Variants in TRMT11 observed in about 807,000 individuals in gnomAD.
TRMT11 encodes tRNA methyltransferase 11.
A neutral mutation model predicts 62.8 loss-of-function variants in TRMT11; 53 were observed. The ratio of observed to expected loss-of-function variants is 0.84; its 90% CI spans 0.68 to 1.06. The LOEUF (loss-of-function observed/expected upper bound fraction) is 1.06. TRMT11 is among the 50% of genes least tolerant of loss of function. The probability of loss-of-function intolerance (pLI) is 0.00; values close to 1 mark genes in which losing one functional copy is unlikely to be tolerated. For synonymous variants in TRMT11, 188 were observed against 190.3 expected, an observed-to-expected ratio of 0.99 and a Z score of 0.10; for missense variants, 556 against 553.4, an observed-to-expected ratio of 1.00 and a Z score of -0.05.
chr6:126,147,757 C>A (rs1777990009), intron 21 of TRMT11, among the ~76,000 whole-genome samples: 1 of 151,894 alleles, frequency 6.6e-6, no homozygotes, highest in Admixed American at 6.6e-5. Flanking sequence ...ACAAGTGAAG[C>A]AGGTTAAAAA....
At chr6:126,076,435 G>A (rs1011334804) in intron 17 of TRMT11, among the ~76,000 whole-genome samples, 1 of 152,196 alleles carries the variant, frequency 6.6e-6, no homozygotes, top group African/African-American at 2.4e-5. Flanking sequence ...AGATAATTTG[G>A]ATGGCATTGA....
chr6:126,268,079 A>T, the TRMT11 span, among the ~76,000 whole-genome samples: 2 of 152,212 alleles, frequency 1.3e-5, no homozygotes, highest in Non-Finnish European at 2.9e-5. Context: ...AAACTAAATT[A>T]GGTGTAAATT....
rs1562275621 is a variant in TRMT11 at position 126,021,276 on chromosome 6, T to A, written c.1256T>A (p.Phe419Tyr). The A allele has an allele frequency of 6.2e-7, 1 of 1,613,324 alleles. No individual in the cohort carries two copies. The highest frequency in any genetic ancestry group is 8.5e-7 in the Non-Finnish European group (1 of 1,179,372). ...ATCACAATGGAAAAGGTGAAGAAATTTGAGGTAAATTGCTTCAGTATTTTT... is the reference window on the plus strand; with the variant it reads ...ATCACAATGGAAAAGGTGAAGAAATATGAGGTAAATTGCTTCAGTATTTTT... ...RLITMEKVKK[F>Y]ENRDQYSHLL... The change falls in exon 12 of 13, where the codon TTT becomes TAT. Residue 419 changes from phenylalanine (F) to tyrosine (Y), a missense_variant. Coordinates refer to ENST00000334379, the MANE Select transcript of TRMT11 (RefSeq NM_001031712.3).
chr6:126,008,250 A>T (rs550279925), intron 7 of TRMT11, 142 bp from the exon 8 acceptor site: 3 of 745,524 alleles, frequency 4.0e-6, no homozygotes, highest in East Asian at 5.1e-5. Flanking sequence ...TTCAGTCCTG[A>T]GGCTTACTAA....
chr6:125,995,824 G>T lies in TRMT11; in HGVS notation c.139-143G>T. 3 of 619,072 alleles carry T rather than the reference G, an allele frequency of 4.8e-6. No homozygotes were observed. The South Asian group carries it at 5.7e-5, about 12-fold the overall frequency. The allele number at this position is 619,072 out of a possible 1,614,324, so 38.3% of individuals were successfully genotyped here. A position where few individuals can be genotyped will look rare whatever the true frequency, so the allele number is the denominator to read the frequency against. Reference sequence around the variant, plus strand: ...TAATTTACTTTTTTACTATTGGAACGATTTTTATTTTGGTTACAGTCAGAT... The same window carrying T: ...TAATTTACTTTTTTACTATTGGAACTATTTTTATTTTGGTTACAGTCAGAT... On this transcript the variant is annotated intron_variant, in intron 2 of 12. Coordinates refer to ENST00000334379, the MANE Select transcript of TRMT11 (RefSeq NM_001031712.3).
chr6:126,256,860 T>G, the TRMT11 span, among the ~76,000 whole-genome samples: 5 of 152,070 alleles, frequency 3.3e-5, no homozygotes, highest in Non-Finnish European at 5.9e-5. Context: ...TGTGTTTTTT[T>G]GTTTTTTGTT....
chr6:126,141,965 A>T (rs1445266244), intron 21 of TRMT11, among the ~76,000 whole-genome samples: 1 of 152,060 alleles, frequency 6.6e-6, no homozygotes, highest in African/African-American at 2.4e-5. Flanking sequence ...TCCTCATAAG[A>T]ACATTTGTCT....
the TRMT11 span, among the ~76,000 whole-genome samples, chr6:126,230,856 C>T: frequency 7.2e-5 from 11 of 152,154 alleles, no homozygotes; most frequent in East Asian, 5.8e-4. Context: ...TATATGTCTA[C>T]GTTAAAACTG....
the TRMT11 span, among the ~76,000 whole-genome samples, chr6:126,257,624 C>G: frequency 6.6e-6 from 1 of 152,084 alleles, no homozygotes; most frequent in Non-Finnish European, 1.5e-5. Context: ...GTTATCAGAT[C>G]CTTGGTTTTT....
At chr6:126,235,164 C>T in the TRMT11 span, among the ~76,000 whole-genome samples, 1 of 152,146 alleles carries the variant, frequency 6.6e-6, no homozygotes, top group Non-Finnish European at 1.5e-5. Context: ...TACCATCTCA[C>T]ACTAGTCAGA....
rs1056492898 is a variant in TRMT11 at position 126,092,039 on chromosome 6, T to C, written c.*1438-20827T>C. On this transcript the variant is annotated intron_variant and NMD_transcript_variant, in intron 17 of 22. Coordinates refer to the TRMT11 transcript ENST00000648977. ...AACATTTAAGTTGCATGTAATCATA[T>C]GATTTTAAAATTTAAGGAGCTGTTC... 3.3e-5 allele frequency among the ~76,000 whole-genome samples: 5 copies of C among 152,222 alleles called. No homozygotes were observed. In the East Asian group the frequency reaches 7.7e-4, roughly 23 times the overall value.
intron 2 of TRMT11, among the ~76,000 whole-genome samples, chr6:125,995,640 A>T (rs1583638474): frequency 6.6e-6 from 1 of 152,192 alleles, no homozygotes; most frequent in Non-Finnish European, 1.5e-5. Flanking sequence ...ATTATAAGGG[A>T]TGATTAGCCA....
At chr6:125,987,562 G>A (rs1310544755) in intron 1 of TRMT11, among the ~76,000 whole-genome samples, 3 of 152,140 alleles carry the variant, frequency 2.0e-5, no homozygotes, top group Non-Finnish European at 4.4e-5. Context: ...TATGGAGGAT[G>A]GATTTGAAAA....
At chr6:126,122,104 T>G (rs112283200) in intron 21 of TRMT11, among the ~76,000 whole-genome samples, 7,518 of 152,170 alleles carry the variant, frequency 0.049, 602 homozygotes, top group African/African-American at 0.17. Flanking sequence ...GGCGTTCCCC[T>G]GCACATGCTG....
chr6:126,010,819 A>G (rs925678010), intron 8 of TRMT11, among the ~76,000 whole-genome samples: 3 of 151,990 alleles, frequency 2.0e-5, no homozygotes, highest in African/African-American at 4.8e-5. Flanking sequence ...TTCATTAGCA[A>G]TGTCTCCATT....
chr6:126,214,564 G>T, the TRMT11 span, among the ~76,000 whole-genome samples: 2 of 151,630 alleles, frequency 1.3e-5, no homozygotes, highest in Non-Finnish European at 3.0e-5. Flanking sequence ...GAATTTCTGT[G>T]GTATCAGTTG....
At chr6:126,126,201 T>C (rs1777717214) in intron 21 of TRMT11, among the ~76,000 whole-genome samples, 1 of 152,174 alleles carries the variant, frequency 6.6e-6, no homozygotes, top group South Asian at 2.1e-4. Context: ...AAAGGAATAC[T>C]AATCTGTTAA....
chr6:126,146,674 G>A (rs1246933256), intron 21 of TRMT11, among the ~76,000 whole-genome samples: 1 of 151,974 alleles, frequency 6.6e-6, no homozygotes, highest in Admixed American at 6.6e-5. Context: ...CTGCCACAGT[G>A]CCCCGCTAAT....
chr6:126,135,014 C>T (rs1473031941), intron 21 of TRMT11, among the ~76,000 whole-genome samples: 2 of 151,354 alleles, frequency 1.3e-5, no homozygotes, highest in Non-Finnish European at 3.0e-5. Context: ...GAATTTTATA[C>T]CAGTAAATGC....
Sources: gnomAD v4.1 joint callset for allele counts (sites outside exome capture counted in the v4.1 genomes callset) on GRCh38, gnomAD v4.1.1 for gene constraint, MANE v1.5 for transcripts, NCBI Gene and HGNC (gene_info 2026-07-23, HGNC 2026-07-21) for gene names.